Variants in TMEM229B observed in about 807,000 individuals in gnomAD.
TMEM229B encodes the protein chromosome 14 open reading frame 83.
In TMEM229B, 6 loss-of-function variants were observed where a neutral mutation model predicts 13.7. The ratio of observed to expected loss-of-function variants is 0.44; its 90% CI spans 0.24 to 0.86. The LOEUF is 0.86. Ranked by LOEUF, TMEM229B falls within the 40% of genes least tolerant of loss-of-function variation. The pLI, the probability that TMEM229B is intolerant of heterozygous loss-of-function variation, is 0.23. For synonymous variants in TMEM229B, 107 were observed against 102.1 expected (o/e 1.05, Z -0.29); for missense variants, 170 against 236.0 (o/e 0.72, Z 1.83).
At chr14:67,500,567 A>G (rs1204979651) in intron 1 of TMEM229B, among the ~76,000 whole-genome samples, 1 of 146,176 alleles carries the variant, frequency 6.8e-6, no homozygotes, top group East Asian at 2.0e-4. Context: ...TTCCATGTGC[A>G]TTTGGATTTT....
At chr14:67,494,511 A>G (rs1182140871) in intron 1 of TMEM229B, among the ~76,000 whole-genome samples, 1 of 152,212 alleles carries the variant, frequency 6.6e-6, no homozygotes, top group East Asian at 1.9e-4. Context: ...ATCCAGGCAC[A>G]GGAAGGGCCC....
At chr14:67,507,421 G>A (rs1303399785) in intron 1 of TMEM229B, among the ~76,000 whole-genome samples, 1 of 152,074 alleles carries the variant, frequency 6.6e-6, no homozygotes, top group African/African-American at 2.4e-5. Flanking sequence ...AGTGGCAGAG[G>A]AGCAGGGATA....
At chr14:67,518,882 C>T (rs117302878), upstream of TMEM229B, among the ~76,000 whole-genome samples, 323 of 152,110 alleles carry the variant, frequency 2.1e-3, 6 homozygotes, top group East Asian at 0.058. Flanking sequence ...AGGAGGGAGA[C>T]GGAGCATGGA....
intron 2 of TMEM229B, among the ~76,000 whole-genome samples, chr14:67,486,192 G>A (rs2031867532): frequency 6.6e-6 from 1 of 152,236 alleles, no homozygotes; most frequent in Admixed American, 6.5e-5. Context: ...GAGGAACTGG[G>A]TGGGAGGTAA....
intron 1 of TMEM229B, among the ~76,000 whole-genome samples, chr14:67,506,352 A>T (rs886262698): frequency 2.6e-5 from 4 of 152,186 alleles, no homozygotes; most frequent in Admixed American, 1.3e-4. Flanking sequence ...GAAAGAACTA[A>T]TCCCACTGGA....
chr14:67,491,879 G>T (rs989428734), upstream of TMEM229B, among the ~76,000 whole-genome samples: 1 of 152,222 alleles, frequency 6.6e-6, no homozygotes, highest in Admixed American at 6.5e-5. Flanking sequence ...AGGAAGCAAG[G>T]AGAGGCCCAG....
intron 1 of TMEM229B, among the ~76,000 whole-genome samples, chr14:67,499,255 C>T (rs111391414): frequency 2.6e-5 from 4 of 152,218 alleles, no homozygotes; most frequent in African/African-American, 4.8e-5. Flanking sequence ...CCTCCTGCCT[C>T]GACCTCCCAA....
chr14:67,529,973 A>G (rs894449709), intron 1 of TMEM229B, among the ~76,000 whole-genome samples: 35 of 152,072 alleles, frequency 2.3e-4, no homozygotes, highest in African/African-American at 8.0e-4. Flanking sequence ...TTGGTGATAT[A>G]GGAGAGGGTC....
chr14:67,517,887 C>T (rs574867361), upstream of TMEM229B, among the ~76,000 whole-genome samples: 4 of 152,294 alleles, frequency 2.6e-5, no homozygotes, highest in South Asian at 4.1e-4. Context: ...CCCTTGCAAG[C>T]TCCTTTCTGT....
chr14:67,506,392 T>C (rs2140220137), intron 1 of TMEM229B, among the ~76,000 whole-genome samples: 1 of 152,234 alleles, frequency 6.6e-6, no homozygotes, highest in East Asian at 1.9e-4. Context: ...GGAGGCAAAA[T>C]TAAGTTGCTT....
In TMEM229B at chr14:67,473,716, G is replaced by T. The variant is rs761111879; in HGVS notation, c.208C>A (p.Arg70Ser). ...VERMYLRLRG[R>S]CPLLLRCLIY... ...AGGCAGCGCAGGAGCAGCGGGCAGC[G>T]GCCGCGCAGCCGCAGGTACATGCGC... Residue 70 changes from arginine (R) to serine (S), a missense_variant, in exon 3 of 3, where the codon CGC (arginine) becomes AGC (serine). Arg to Ser is a moderately radical substitution (Grantham distance 110). Around this residue, in one of 4 missense-constraint regions of TMEM229B, gnomAD observed 57 missense variants for 66.7 expected, o/e 0.85. Transcript: ENST00000554480. This position sits in a 1 kb window ranked among gnomAD's most constrained non-coding sequence, Gnocchi z 6.5. The T allele has an allele frequency of 4.4e-6, 7 of 1,603,662 alleles. No homozygotes were observed. The highest frequency in any genetic ancestry group is 6.0e-6 in the Non-Finnish European group (7 of 1,175,654).
Position 67,473,561 on chromosome 14 carries a change from G to C in TMEM229B, c.363C>G (p.Ala121=), listed in dbSNP as rs761336243. ...DFMGLITLEY[A]VPWFCGALIM... Reference sequence around the variant, plus strand: ...TGAGGGCCCCGCAGAACCAGGGCACGGCGTACTCCAGGGTGATGAGGCCCA... The same window carrying C: ...TGAGGGCCCCGCAGAACCAGGGCACCGCGTACTCCAGGGTGATGAGGCCCA... Residue 121 remains alanine, a synonymous_variant, in exon 3 of 3, where the codon GCC becomes GCG. Coordinates refer to ENST00000554480, the MANE Select transcript of TMEM229B (RefSeq NM_001348543.2). This position sits in a 1 kb window ranked among gnomAD's most constrained non-coding sequence, Gnocchi z 6.5. 6 of 1,613,434 alleles carry C rather than the reference G, an allele frequency of 3.7e-6. No individual in the cohort carries two copies. The African/African-American group carries it at 6.7e-5, about 18-fold the overall frequency.
chr14:67,490,074 G>A (rs551374425), upstream of TMEM229B, among the ~76,000 whole-genome samples: 1 of 152,342 alleles, frequency 6.6e-6, no homozygotes, highest in East Asian at 1.9e-4. Flanking sequence ...TCTGCTGGAT[G>A]GATGGACAGG....
chr14:67,477,917 C>T (rs1391955050), intron 2 of TMEM229B, among the ~76,000 whole-genome samples: 1 of 152,204 alleles, frequency 6.6e-6, no homozygotes, highest in South Asian at 2.1e-4. Context: ...ACATCCCCAC[C>T]CTAACATGAG....
intron 1 of TMEM229B, among the ~76,000 whole-genome samples, chr14:67,529,219 C>T (rs2033410774): frequency 6.6e-6 from 1 of 152,134 alleles, no homozygotes; most frequent in African/African-American, 2.4e-5. Context: ...CCCTCCCCTC[C>T]CCATCCGCTG....
intron 1 of TMEM229B, among the ~76,000 whole-genome samples, chr14:67,512,494 T>C (rs1344799166): frequency 6.6e-6 from 1 of 152,082 alleles, no homozygotes; most frequent in Non-Finnish European, 1.5e-5. Flanking sequence ...AATTCAAAAA[T>C]ACACCCAGAC....
chr14:67,475,016 A>G (rs1382904220), intron 2 of TMEM229B, among the ~76,000 whole-genome samples: 1 of 150,626 alleles, frequency 6.6e-6, no homozygotes, highest in African/African-American at 2.5e-5. Context: ...CCTGGGTTCA[A>G]GCGATTCTCC....
intron 1 of TMEM229B, among the ~76,000 whole-genome samples, chr14:67,529,225 C>T (rs996342015): frequency 1.1e-4 from 16 of 152,126 alleles, no homozygotes; most frequent in Admixed American, 1.0e-3. Context: ...CCTCCCCATC[C>T]GCTGCCTGGC....
chr14:67,500,008 C>G (rs879369952), intron 1 of TMEM229B, among the ~76,000 whole-genome samples: 1 of 152,096 alleles, frequency 6.6e-6, no homozygotes, highest in Non-Finnish European at 1.5e-5. Context: ...ATACTTGTAA[C>G]TCCCAGTCAT....
Sources: gnomAD v4.1 joint callset for allele counts (sites outside exome capture counted in the v4.1 genomes callset) on GRCh38, gnomAD v4.1.1 for gene constraint, gnomAD v4.1.1 regional missense constraint, Gnocchi (gnomAD v3.1) non-coding constraint, MANE v1.5 for transcripts, NCBI Gene and HGNC (gene_info 2026-07-23, HGNC 2026-07-21) for gene names.